ANKRD33B: variants seen among roughly 807,000 people sequenced by gnomAD.
ANKRD33B encodes ankyrin repeat domain-containing protein 33B.
ANKRD33B carries 6 observed loss-of-function variants against 21.5 expected under a neutral mutation model. The observed-to-expected ratio is 0.28, with a 90% CI of 0.15 to 0.55. ANKRD33B has a LOEUF of 0.55. ANKRD33B is among the 20% of genes least tolerant of loss of function. The pLI is 0.94. For synonymous variants in ANKRD33B, 347 were observed against 342.4 expected, an observed-to-expected ratio of 1.01 and a Z score of -0.15; for missense variants, 698 against 747.2, an observed-to-expected ratio of 0.93 and a Z score of 0.77.
chr5:10,609,680 G>A (rs1443452177), intron 1 of ANKRD33B, among the ~76,000 whole-genome samples: 1 of 152,206 alleles, frequency 6.6e-6, no homozygotes, highest in African/African-American at 2.4e-5. Flanking sequence ...AGGCTGAGGT[G>A]GGCAGATCAT....
intron 2 of ANKRD33B, among the ~76,000 whole-genome samples, chr5:10,623,199 T>G (rs943956124): frequency 6.6e-6 from 1 of 152,176 alleles, no homozygotes; most frequent in Non-Finnish European, 1.5e-5. Context: ...AAAAATGGCA[T>G]CAGTGGGTCT....
intron 1 of ANKRD33B, among the ~76,000 whole-genome samples, chr5:10,574,221 A>C (rs1018326338): frequency 1.3e-5 from 2 of 152,236 alleles, no homozygotes; most frequent in Non-Finnish European, 2.9e-5. Flanking sequence ...TTTTCTACAT[A>C]TTTCTTTCAA....
At chr5:10,567,731 A>G (rs947482323) in intron 1 of ANKRD33B, among the ~76,000 whole-genome samples, 9 of 152,220 alleles carry the variant, frequency 5.9e-5, no homozygotes, top group African/African-American at 2.2e-4. Flanking sequence ...CAGAGACGGC[A>G]TCTAGGGGAA....
chr5:10,573,467 CAAAAAAAA>C (rs10706973), intron 1 of ANKRD33B, among the ~76,000 whole-genome samples: 10 of 100,734 alleles, frequency 9.9e-5, no homozygotes, highest in Non-Finnish European at 1.8e-4. Flanking sequence ...GACTCCGTCT[CAAAAAAAA>C]AAAAAAAAAA....
intron 2 of ANKRD33B, among the ~76,000 whole-genome samples, chr5:10,637,340 T>G (rs1166923807): frequency 2.6e-5 from 4 of 152,002 alleles, no homozygotes; most frequent in African/African-American, 9.7e-5. Flanking sequence ...CTGTGTTCTC[T>G]GAGACATCTC....
At chr5:10,580,420 C>T (rs913250185) in intron 1 of ANKRD33B, among the ~76,000 whole-genome samples, 1 of 152,238 alleles carries the variant, frequency 6.6e-6, no homozygotes, top group Non-Finnish European at 1.5e-5. Context: ...GCAGCAGGGT[C>T]AGCACTCAGT....
intron 3 of ANKRD33B, among the ~76,000 whole-genome samples, chr5:10,646,251 G>A (rs145822685): frequency 3.9e-5 from 6 of 152,342 alleles, no homozygotes; most frequent in African/African-American, 9.6e-5. Flanking sequence ...GGGAGATGAC[G>A]ATGCTGGGGG....
At chr5:10,632,646 A>G (rs1383945694) in intron 2 of ANKRD33B, among the ~76,000 whole-genome samples, 1 of 152,022 alleles carries the variant, frequency 6.6e-6, no homozygotes, top group African/African-American at 2.4e-5. Flanking sequence ...CTTCCTGGTG[A>G]GCTCCCCACC....
At chr5:10,583,065 C>T (rs529237432) in intron 1 of ANKRD33B, among the ~76,000 whole-genome samples, 6 of 151,138 alleles carry the variant, frequency 4.0e-5, no homozygotes, top group East Asian at 3.9e-4. Flanking sequence ...GGGGCAATCT[C>T]GGCTAACTGC....
intron 1 of ANKRD33B, among the ~76,000 whole-genome samples, chr5:10,578,769 A>G (rs7718186): frequency 0.89 from 136,160 of 152,274 alleles, 60,890 homozygotes; most frequent in Middle Eastern, 0.96. Flanking sequence ...AGGCACAAGT[A>G]TATTGAGTTA....
At chr5:10,568,060 C>G (rs905836602) in intron 1 of ANKRD33B, among the ~76,000 whole-genome samples, 31 of 152,112 alleles carry the variant, frequency 2.0e-4, no homozygotes, top group Admixed American at 5.3e-4. Context: ...GTCTGGGTAA[C>G]TAAGGGTCAG....
At position 10,657,022 on chromosome 5, in the gene ANKRD33B, C is replaced by T. The variant is rs2279326; in HGVS notation, c.*6909C>T. 50,762 of 151,744 alleles carry T rather than the reference C, an allele frequency of 0.33. 8,572 individuals are homozygous for T. Among genetic ancestry groups the T allele is most frequent in the African/African-American group, 0.41 (16,823 of 41,322 alleles). 9.4% of individuals were successfully genotyped at this position (151,744 alleles called of 1,614,324 possible). ...GAAACTTTCCATCAAAGCAATGGTCCGTGTTGGCCTGATGCTTTAAGAAGT... is the reference window on the plus strand; with the variant it reads ...GAAACTTTCCATCAAAGCAATGGTCTGTGTTGGCCTGATGCTTTAAGAAGT... On this transcript the variant is annotated 3_prime_UTR_variant, in exon 4 of 4. Transcript: ENST00000296657.
Position 10,564,797 on chromosome 5 carries a change from C to T in ANKRD33B, c.330C>T (p.Ser110=), listed in dbSNP as rs1416009153. Residue 110 remains serine, a synonymous_variant, in exon 1 of 4, where the codon AGC becomes AGT. Transcript: ENST00000296657. The stretch of plus-strand genomic sequence containing the variant: ...GGACGCTGGTGCGGCGCGGGGTGAG[C>T]GTCGAGGAGGCGCAGGAGACTGACC... ...LLRTLVRRGV[S]VEEAQETDRN... 8 of 1,521,710 alleles carry T rather than the reference C, an allele frequency of 5.3e-6. No individual in the cohort carries two copies. The Admixed American group carries it at 7.9e-5, about 15-fold the overall frequency. The allele number at this position is 1,521,710 out of a possible 1,614,324, so 94.3% of individuals were successfully genotyped here. A position where few individuals can be genotyped will look rare whatever the true frequency, so the allele number is the denominator to read the frequency against.
chr5:10,579,912 C>A lies in ANKRD33B; in HGVS notation c.366+15079C>A, dbSNP rs151233754. On this transcript the variant is annotated intron_variant, in intron 1 of 3. Coordinates refer to ENST00000296657, the MANE Select transcript of ANKRD33B (RefSeq NM_001164440.2). ...ATGTTCACAGATTTGTACAATTATCCCCACAGTTAATTTCAGAACATTTTC... is the reference window on the plus strand; with the variant it reads ...ATGTTCACAGATTTGTACAATTATCACCACAGTTAATTTCAGAACATTTTC... 2.6e-3 allele frequency among the ~76,000 whole-genome samples: 400 copies of A among 152,144 alleles called. 1 individual carries two copies. The highest frequency in any genetic ancestry group is 9.1e-3 in the African/African-American group (378 of 41,484).
intron 3 of ANKRD33B, among the ~76,000 whole-genome samples, chr5:10,642,402 G>A (rs1399622921): frequency 3.3e-5 from 5 of 152,106 alleles, no homozygotes; most frequent in Non-Finnish European, 5.9e-5. Flanking sequence ...AACAATCCAC[G>A]GATTATTGTC....
intron 3 of ANKRD33B, among the ~76,000 whole-genome samples, chr5:10,644,374 C>T (rs1213719902): frequency 1.3e-5 from 2 of 152,146 alleles, no homozygotes; most frequent in Non-Finnish European, 2.9e-5. Flanking sequence ...AAATAGGTGG[C>T]TCTGAGAAGC....
rs1051417440 is a variant in ANKRD33B, at chr5:10,657,062, A to G, written c.*6949A>G. 2.0e-5 allele frequency: 3 copies of G among 152,312 alleles called. No individual in the cohort carries two copies. Among genetic ancestry groups the G allele is most frequent in the Non-Finnish European group, 4.4e-5 (3 of 68,036 alleles). 9.4% of individuals were successfully genotyped at this position (152,312 alleles called of 1,614,324 possible). On this transcript the variant is annotated 3_prime_UTR_variant, in exon 4 of 4. Coordinates refer to ENST00000296657, the MANE Select transcript of ANKRD33B (RefSeq NM_001164440.2). ...CTTTAAGAAGTTTGAGGAGGTAGGT[A>G]TGGAGGCACCTTAACACCAGTTTTT...
rs1034083316 is a variant in ANKRD33B, at chr5:10,564,745, C to T, written c.278C>T (p.Ala93Val). Reference protein sequence around the residue: ...VPETATLLRAACANNVGLLRT... With the variant: ...VPETATLLRAVCANNVGLLRT... ...GAGACGGCGACCCTCCTGCGCGCCG[C>T]CTGCGCCAACAACGTGGGGCTGCTG... The change falls in exon 1 of 4, where the codon GCC becomes GTC. Residue 93 changes from alanine to valine, a missense_variant. Physicochemically the swap from Ala to Val is moderately conservative, Grantham distance 64. This residue lies in a region of ANKRD33B where 148 missense variants were observed against 154.9 expected (regional missense o/e 0.96). Transcript: ENST00000296657. 7.8e-6 allele frequency: 12 copies of T among 1,530,884 alleles called. No individual in the cohort carries two copies. The highest frequency in any genetic ancestry group is 2.2e-4 in the Middle Eastern group (1 of 4,456). 94.8% of individuals were successfully genotyped at this position (1,530,884 alleles called of 1,614,324 possible). A position where few individuals can be genotyped will look rare whatever the true frequency, so the allele number is the denominator to read the frequency against.
At chr5:10,633,471 T>C (rs961333962) in intron 2 of ANKRD33B, among the ~76,000 whole-genome samples, 3 of 152,238 alleles carry the variant, frequency 2.0e-5, no homozygotes, top group Admixed American at 6.5e-5. Context: ...ACAAACACTG[T>C]ACAGAGAATG....
Sources: gnomAD v4.1 joint callset for allele counts (sites outside exome capture counted in the v4.1 genomes callset) on GRCh38, gnomAD v4.1.1 for gene constraint, gnomAD v4.1.1 regional missense constraint, MANE v1.5 for transcripts, NCBI Gene and HGNC (gene_info 2026-07-23, HGNC 2026-07-21) for gene names.